The following MED25 variants were observed in gnomAD, a reference collection of about 807,000 sequenced individuals.
The protein encoded by MED25 is mediator complex subunit 25, also known as mediator of RNA polymerase II transcription subunit 25.
Under a neutral mutation model 89.4 loss-of-function variants are expected in MED25, and 62 were observed. The ratio of observed to expected loss-of-function variants is 0.69; its 90% CI spans 0.57 to 0.86. The LOEUF is 0.86. Ranked by LOEUF, MED25 falls within the 40% of genes least tolerant of loss-of-function variation. The pLI is 0.00. For synonymous variants in MED25, 449 were observed against 427.9 expected (o/e 1.05, Z -0.61); for missense variants, 905 against 1,005.2 (o/e 0.90, Z 1.35).
chr19:49,831,819 A>G lies in MED25; in HGVS notation c.1231-117A>G. 1.0e-6 allele frequency: 1 copy of G among 952,390 alleles called. No homozygotes were observed. The highest frequency in any genetic ancestry group is 1.9e-5 in the Admixed American group (1 of 53,400). 59.0% of individuals were successfully genotyped at this position (952,390 alleles called of 1,614,324 possible). ...GGTCTGGAGGAGGGGCCTGGGGCTC[A>G]TGGGACTTAAACTGGGGAACATCCT... On this transcript the variant is annotated intron_variant, in intron 10 of 17. Transcript: ENST00000312865. The surrounding 1 kb of genome is among the most constrained non-coding windows in gnomAD (Gnocchi z 5.0).
At chr19:49,838,878 C>A (rs1007858895), downstream of MED25, 5 of 401,116 alleles carry the variant, frequency 1.2e-5, no homozygotes, top group African/African-American at 8.3e-5. Context: ...GTACGCCGTT[C>A]CGGAATCACG....
chr19:49,829,577 C>T lies in MED25; in HGVS notation c.526-209C>T, dbSNP rs1486297147. Among the ~76,000 whole-genome samples, 2 of 152,196 alleles carry T rather than the reference C, an allele frequency of 1.3e-5. No individual in the cohort carries two copies. Among genetic ancestry groups the T allele is most frequent in the Admixed American group, 6.5e-5 (1 of 15,280 alleles). On this transcript the variant is annotated intron_variant, in intron 5 of 17. Coordinates refer to ENST00000312865, the MANE Select transcript of MED25 (RefSeq NM_030973.4). This position sits in a 1 kb window ranked among gnomAD's most constrained non-coding sequence, Gnocchi z 4.6. ...TACAGACGTGAGCCTCCACACCTGG[C>T]CCACTTAGTCTTACTGACAAAACTA... is the stretch of plus-strand genomic sequence containing the variant.
chr19:49,821,321 A>G (rs938813194), intron 3 of MED25, among the ~76,000 whole-genome samples: 6 of 152,144 alleles, frequency 3.9e-5, no homozygotes, highest in African/African-American at 1.4e-4. Flanking sequence ...TCACTCTGTC[A>G]CGCAGGCTGG....
At position 49,830,771 on chromosome 19, in the gene MED25, C is replaced by G. The variant is rs2074050126; in HGVS notation, c.985C>G (p.Pro329Ala). 6.2e-7 allele frequency: 1 copy of G among 1,612,024 alleles called. No homozygotes were observed. Among genetic ancestry groups the G allele is most frequent in the African/African-American group, 1.3e-5 (1 of 74,850 alleles). Residue 329 changes from proline (P) to alanine (A), a missense_variant, in exon 9 of 18, where the codon CCC becomes GCC. This residue lies in a region of MED25 where 501 missense variants were observed against 526.9 expected (regional missense o/e 0.95). Transcript: ENST00000312865. This position sits in a 1 kb window ranked among gnomAD's most constrained non-coding sequence, Gnocchi z 4.6. The stretch of plus-strand genomic sequence containing the variant: ...CAGCCAGGCCCCAGCTCCCCAACTA[C>G]CCCCAGGACCCCCTGGCGCCCCCAA... ...PFSQAPAPQLPPGPPGAPKPP... is the reference protein window; with the variant it reads ...PFSQAPAPQLAPGPPGAPKPP...
chr19:49,836,036 T>G lies in MED25; in HGVS notation c.1965+91T>G. On this transcript the variant is annotated intron_variant, in intron 16 of 17. Transcript: ENST00000312865. The surrounding 1 kb of genome is among the most constrained non-coding windows in gnomAD (Gnocchi z 5.1). ...CTGGGAGGAGGGAGGTTGACTGTGGTCAGTGGGTGTGAATGGGGACCCGCC... is the reference window on the plus strand; with the variant it reads ...CTGGGAGGAGGGAGGTTGACTGTGGGCAGTGGGTGTGAATGGGGACCCGCC... 1.3e-6 allele frequency: 2 copies of G among 1,562,428 alleles called. No homozygotes were observed. Among genetic ancestry groups the G allele is most frequent in the Non-Finnish European group, 1.7e-6 (2 of 1,155,336 alleles).
chr19:49,824,796 T>C (rs1340919899), intron 3 of MED25, among the ~76,000 whole-genome samples: 1 of 152,182 alleles, frequency 6.6e-6, no homozygotes, highest in Non-Finnish European at 1.5e-5. Flanking sequence ...TGACAGGCCG[T>C]GTGTAGGGAG....
At chr19:49,818,976 G>T in intron 2 of MED25, 196 bp from the exon 3 acceptor site, 1 of 692,306 alleles carries the variant, frequency 1.4e-6, no homozygotes. Flanking sequence ...CTGGGTCTGA[G>T]GGAGGAGGGG....
At chr19:49,837,124 T>A (rs1210350349), downstream of MED25, 35 of 664,504 alleles carry the variant, frequency 5.3e-5, no homozygotes, top group Non-Finnish European at 5.5e-6. Context: ...TCACAGGCAG[T>A]CTGGTGCAAC....
Position 49,834,936 on chromosome 19 carries a change from G to A in MED25, c.1483-50G>A, listed in dbSNP as rs1467980811. On this transcript the variant is annotated intron_variant, in intron 13 of 17. Transcript: ENST00000312865. The surrounding 1 kb of genome is among the most constrained non-coding windows in gnomAD (Gnocchi z 4.1). ...CTTCTGGAATGGGGAGGGGGTCAGG[G>A]CTGCCTCTTTCAGGGCCTGAATGGT... The A allele has an allele frequency of 6.3e-7, 1 of 1,597,814 alleles. No individual in the cohort carries two copies. Among genetic ancestry groups the A allele is most frequent in the East Asian group, 2.2e-5 (1 of 44,802 alleles).
rs1247217313 is a variant in MED25 at position 49,831,713 on chromosome 19, T to G, written c.1231-223T>G. Among the ~76,000 whole-genome samples the G allele has an allele frequency of 1.3e-5, 2 of 152,012 alleles. No individual in the cohort carries two copies. Among genetic ancestry groups the G allele is most frequent in the African/African-American group, 4.8e-5 (2 of 41,368 alleles). ...GGGGCCCAGAGAAGAGCCCAGGCGA[T>G]GTATCATCTGGGGCACAGTGGATGG... is the stretch of plus-strand genomic sequence containing the variant. On this transcript the variant is annotated intron_variant, in intron 10 of 17. Coordinates refer to ENST00000312865, the MANE Select transcript of MED25 (RefSeq NM_030973.4). The surrounding 1 kb of genome is among the most constrained non-coding windows in gnomAD (Gnocchi z 5.0).
chr19:49,826,430 A>G (rs2074016186), intron 3 of MED25, among the ~76,000 whole-genome samples: 1 of 152,118 alleles, frequency 6.6e-6, no homozygotes, highest in Non-Finnish European at 1.5e-5. Flanking sequence ...TGAGAGCAGG[A>G]AGAAGGCTCA....
intron 1 of MED25, 25 bp from the exon 2 acceptor site, chr19:49,818,546 G>C (rs1307948067): frequency 2.5e-6 from 4 of 1,614,180 alleles, no homozygotes; most frequent in Non-Finnish European, 3.4e-6. Context: ...GCCTGACTCC[G>C]ACCTTTCACT....
intron 13 of MED25, chr19:49,833,180 C>T (rs1162900735): frequency 2.0e-5 from 3 of 152,486 alleles, no homozygotes; most frequent in African/African-American, 7.2e-5. Flanking sequence ...AATCTTGGCT[C>T]ACAGCAACTT....
chr19:49,826,283 G>A (rs1346277858), intron 3 of MED25, among the ~76,000 whole-genome samples: 1 of 152,226 alleles, frequency 6.6e-6, no homozygotes, highest in Non-Finnish European at 1.5e-5. Flanking sequence ...GGAGCTTGCA[G>A]TGAGCGGAGA....
Position 49,831,787 on chromosome 19 carries a change from G to A in MED25, c.1231-149G>A, listed in dbSNP as rs1468461819. 1 of 782,686 alleles carries A rather than the reference G, an allele frequency of 1.3e-6. No individual in the cohort carries two copies. The highest frequency in any genetic ancestry group is 2.2e-6 in the Non-Finnish European group (1 of 448,316). The allele number at this position is 782,686 out of a possible 1,614,324, so 48.5% of individuals were successfully genotyped here. ...AGCTGTAACATTTGAGGAACTGAAGGCTTGCTGGTCTGGAGGAGGGGCCTG... is the reference window on the plus strand; with the variant it reads ...AGCTGTAACATTTGAGGAACTGAAGACTTGCTGGTCTGGAGGAGGGGCCTG... On this transcript the variant is annotated intron_variant, in intron 10 of 17. Transcript: ENST00000312865. The surrounding 1 kb of genome is among the most constrained non-coding windows in gnomAD (Gnocchi z 5.0).
Position 49,830,860 on chromosome 19 carries a change from C to T in MED25, c.1074C>T (p.Pro358=). ...STVAPGSGLA[P]TAQPGAPSMA... is the part of the protein sequence containing the mutation. The stretch of plus-strand genomic sequence containing the variant: ...TGGCCCCTGGCTCCGGCCTGGCTCC[C>T]ACGGCACAGCCCGGGGCACCGTCCA... Residue 358 remains proline, a synonymous_variant, in exon 9 of 18, where the codon CCC becomes CCT. Transcript: ENST00000312865. The surrounding 1 kb of genome is among the most constrained non-coding windows in gnomAD (Gnocchi z 4.6). 5 of 1,611,748 alleles carry T rather than the reference C, an allele frequency of 3.1e-6. No individual in the cohort carries two copies. The Middle Eastern group carries it at 5.0e-4, about 160-fold the overall frequency.
chr19:49,822,793 G>A (rs1485700401), intron 3 of MED25, among the ~76,000 whole-genome samples: 1 of 151,706 alleles, frequency 6.6e-6, no homozygotes, highest in African/African-American at 2.4e-5. Context: ...GACTACAGGT[G>A]CCCGCCACCA....
chr19:49,825,036 A>G (rs1413099172), intron 3 of MED25, among the ~76,000 whole-genome samples: 2 of 152,098 alleles, frequency 1.3e-5, no homozygotes, highest in African/African-American at 2.4e-5. Flanking sequence ...TTTATTTGGA[A>G]TTTATCATAA....
At position 49,830,934 on chromosome 19, in the gene MED25, C is replaced by T. The variant is rs376262546; in HGVS notation, c.1101+47C>T. The T allele has an allele frequency of 1.5e-5, 23 of 1,545,432 alleles. No homozygotes were observed. In the African/African-American group the frequency reaches 3.0e-4, roughly 20 times the overall value. Reference sequence around the variant, plus strand: ...GCCCCTGCTCCTTCCTCCTGCTGTCCACAGCTAGGACAGTTAGAGGATGAG... The same window carrying T: ...GCCCCTGCTCCTTCCTCCTGCTGTCTACAGCTAGGACAGTTAGAGGATGAG... On this transcript the variant is annotated intron_variant, in intron 9 of 17. Transcript: ENST00000312865. The surrounding 1 kb of genome is among the most constrained non-coding windows in gnomAD (Gnocchi z 4.6).
Sources: allele counts gnomAD v4.1 joint callset (sites outside exome capture counted in the v4.1 genomes callset), GRCh38; gene constraint gnomAD v4.1.1; regional missense constraint gnomAD v4.1.1; non-coding constraint Gnocchi (gnomAD v3.1); transcripts MANE v1.5; gene names NCBI Gene and HGNC (gene_info 2026-07-23, HGNC 2026-07-21).